Variants in PRKN observed in about 807,000 individuals in gnomAD.
PRKN encodes E3 ubiquitin-protein ligase parkin.
PRKN carries 56 observed loss-of-function variants against 59.5 expected under a neutral mutation model. That is an observed-to-expected ratio of 0.94 (90% CI 0.76 to 1.18). The LOEUF (loss-of-function observed/expected upper bound fraction) is 1.18, where lower values mean the gene tolerates loss of function less well. Ranked by LOEUF, PRKN falls within the 50% of genes most tolerant of loss-of-function variation. The pLI is 0.00. For missense variants in PRKN, 657 were observed against 596.4 expected (o/e 1.10, Z -1.06); for synonymous variants, 250 against 222.1 (o/e 1.13, Z -1.12).
chr6:162,572,968 C>G (rs1780408975), intron 1 of PRKN, among the ~76,000 whole-genome samples: 1 of 152,150 alleles, frequency 6.6e-6, no homozygotes, highest in Non-Finnish European at 1.5e-5. Flanking sequence ...TATCAACAGT[C>G]AGTAAAAGGC....
intron 6 of PRKN, among the ~76,000 whole-genome samples, chr6:161,846,857 C>T (rs1202307340): frequency 1.3e-5 from 2 of 152,170 alleles, no homozygotes; most frequent in Non-Finnish European, 2.9e-5. Flanking sequence ...ACCTTCTCAG[C>T]ACCACATACT....
chr6:162,061,085 A>G (rs2128287701), intron 4 of PRKN, among the ~76,000 whole-genome samples: 1 of 152,326 alleles, frequency 6.6e-6, no homozygotes, highest in Middle Eastern at 3.4e-3. Context: ...ACAAAGAAGG[A>G]GCTTTGAAGT....
intron 2 of PRKN, among the ~76,000 whole-genome samples, chr6:162,267,779 T>C (rs1188526355): frequency 6.6e-6 from 1 of 152,106 alleles, no homozygotes; most frequent in Non-Finnish European, 1.5e-5. Context: ...CATGGAAACA[T>C]ACCAGTATTA....
Position 161,402,118 on chromosome 6 carries a change from C to G in PRKN, c.1084-15241G>C, listed in dbSNP as rs1369362161. 1.3e-5 allele frequency among the ~76,000 whole-genome samples: 2 copies of G among 152,104 alleles called. No homozygotes were observed. The highest frequency in any genetic ancestry group is 3.9e-4 in the East Asian group (2 of 5,186). On this transcript the variant is annotated intron_variant, in intron 9 of 11. Coordinates refer to ENST00000366898, the MANE Select transcript of PRKN (RefSeq NM_004562.3). The surrounding 1 kb of genome is among the most constrained non-coding windows in gnomAD (Gnocchi z 4.5). Reference sequence around the variant, plus strand: ...ATCACCGCCCTGACAGTCTCAGTGGCAGGCCAGGCTCTAAAGGCTCCTCTG... The same window carrying G: ...ATCACCGCCCTGACAGTCTCAGTGGGAGGCCAGGCTCTAAAGGCTCCTCTG...
rs770315157 is a variant in PRKN at position 161,369,032 on chromosome 6, C to A, written c.1168-8827G>T. 1.3e-5 allele frequency among the ~76,000 whole-genome samples: 2 copies of A among 152,166 alleles called. No homozygotes were observed. The highest frequency in any genetic ancestry group is 2.9e-5 in the Non-Finnish European group (2 of 68,026). On this transcript the variant is annotated intron_variant, in intron 10 of 11. Coordinates refer to ENST00000366898, the MANE Select transcript of PRKN (RefSeq NM_004562.3). The surrounding 1 kb of genome is among the most constrained non-coding windows in gnomAD (Gnocchi z 5.8). ...TGCCACTGCTGCCAGCCCCAGGGAC[C>A]TGGGGGGCAGGAGAAGCAGCTCTAT...
At chr6:162,691,297 T>C (rs1483153514) in intron 1 of PRKN, among the ~76,000 whole-genome samples, 4 of 152,186 alleles carry the variant, frequency 2.6e-5, no homozygotes, top group African/African-American at 9.6e-5. Flanking sequence ...TAAAATGTTT[T>C]AGAACAAAAT....
chr6:162,158,247 G>A lies in PRKN; in HGVS notation c.534+42884C>T, dbSNP rs554167025. Among the ~76,000 whole-genome samples, 24 of 151,988 alleles carry A rather than the reference G, an allele frequency of 1.6e-4. 1 individual carries two copies. The highest frequency in any genetic ancestry group is 1.5e-3 in the South Asian group (7 of 4,818). Reference sequence around the variant, plus strand: ...AATAAATTCAGTTTTCTGTCTCAACGGTTGTTCTCTTCTTTCTCCTCAGGA... The same window carrying A: ...AATAAATTCAGTTTTCTGTCTCAACAGTTGTTCTCTTCTTTCTCCTCAGGA... On this transcript the variant is annotated intron_variant, in intron 4 of 11. Transcript: ENST00000366898.
In PRKN at chr6:161,548,696, C is replaced by A; in HGVS notation, c.1083+158G>T. 1.4e-6 allele frequency: 1 copy of A among 704,602 alleles called. No individual in the cohort carries two copies. Among genetic ancestry groups the A allele is most frequent in the Admixed American group, 2.5e-5 (1 of 39,424 alleles). The allele number at this position is 704,602 out of a possible 1,614,324, so 43.6% of individuals were successfully genotyped here. A position where few individuals can be genotyped will look rare whatever the true frequency, so the allele number is the denominator to read the frequency against. ...ATACATAAATTTTCAAATCTGGAGT[C>A]CTATAAAGGAATTTAAAATCTATTT... On this transcript the variant is annotated intron_variant, in intron 9 of 11. Transcript: ENST00000366898. The surrounding 1 kb of genome is among the most constrained non-coding windows in gnomAD (Gnocchi z 4.2).
intron 1 of PRKN, among the ~76,000 whole-genome samples, chr6:162,469,301 C>T (rs1199783446): frequency 8.2e-6 from 1 of 122,590 alleles, no homozygotes. Context: ...TGCTAAAACA[C>T]TGACACTAAT....
intron 7 of PRKN, among the ~76,000 whole-genome samples, chr6:161,746,068 G>A (rs1477250271): frequency 1.3e-5 from 2 of 152,176 alleles, no homozygotes; most frequent in African/African-American, 4.8e-5. Context: ...CTATGATCCA[G>A]GCAGGTTTGT....
At chr6:161,685,274 C>T (rs191124997) in intron 7 of PRKN, among the ~76,000 whole-genome samples, 44 of 152,276 alleles carry the variant, frequency 2.9e-4, no homozygotes, top group Middle Eastern at 3.4e-3. Flanking sequence ...CGGCCACAAA[C>T]GTTCTGCTCA....
rs116218764 is a variant in PRKN at position 162,109,097 on chromosome 6, T to A, written c.535-54923A>T. On this transcript the variant is annotated intron_variant, in intron 4 of 11. Coordinates refer to ENST00000366898, the MANE Select transcript of PRKN (RefSeq NM_004562.3). ...AATTTCTAGAAAAGGGTCACCAAGTTGTTGTCGTGAAAAGGGGCAGTAACT... is the reference window on the plus strand; with the variant it reads ...AATTTCTAGAAAAGGGTCACCAAGTAGTTGTCGTGAAAAGGGGCAGTAACT... Among the ~76,000 whole-genome samples, 376 of 152,184 alleles carry A rather than the reference T, an allele frequency of 2.5e-3. 1 individual carries two copies. The highest frequency in any genetic ancestry group is 8.5e-3 in the African/African-American group (353 of 41,500).
chr6:162,288,391 C>A (rs1262691025), intron 2 of PRKN, among the ~76,000 whole-genome samples: 2 of 152,016 alleles, frequency 1.3e-5, no homozygotes, highest in Non-Finnish European at 2.9e-5. Flanking sequence ...CACTATAGGG[C>A]CAAGGAGAGG....
chr6:161,715,046 T>C lies in PRKN; in HGVS notation c.871+70726A>G, dbSNP rs186140970. ...ACTTTCATAACCAGAGATAATAACA[T>C]TCCTCGTCTACAAGGCAGCTGCATG... is the stretch of plus-strand genomic sequence containing the variant. On this transcript the variant is annotated intron_variant, in intron 7 of 11. Coordinates refer to ENST00000366898, the MANE Select transcript of PRKN (RefSeq NM_004562.3). 2.0e-5 allele frequency among the ~76,000 whole-genome samples: 3 copies of C among 152,294 alleles called. No homozygotes were observed. In the East Asian group the frequency reaches 5.8e-4, roughly 29 times the overall value.
At chr6:161,485,649 G>C (rs535580713) in intron 9 of PRKN, among the ~76,000 whole-genome samples, 1 of 152,106 alleles carries the variant, frequency 6.6e-6, no homozygotes, top group Non-Finnish European at 1.5e-5. Flanking sequence ...TACTTGTGAT[G>C]AATTAGTTAG....
intron 6 of PRKN, among the ~76,000 whole-genome samples, chr6:161,949,848 C>A (rs375659514): frequency 4.9e-4 from 74 of 152,302 alleles, no homozygotes; most frequent in African/African-American, 1.6e-3. Flanking sequence ...GGGAGAACAG[C>A]GGGCATGCCC....
intron 5 of PRKN, among the ~76,000 whole-genome samples, chr6:162,011,150 T>A (rs867128144): frequency 5.3e-5 from 1 of 18,788 alleles, no homozygotes; most frequent in Non-Finnish European, 1.2e-4. Flanking sequence ...ATATATATTA[T>A]AATATATACT....
intron 4 of PRKN, among the ~76,000 whole-genome samples, chr6:162,109,335 T>C (rs575477339): frequency 1.3e-5 from 2 of 152,316 alleles, no homozygotes; most frequent in South Asian, 4.1e-4. Context: ...AAAAGCTGTA[T>C]TCAGGAAGTA....
chr6:161,679,986 C>T (rs1425563273), intron 7 of PRKN, among the ~76,000 whole-genome samples: 1 of 151,946 alleles, frequency 6.6e-6, no homozygotes, highest in Non-Finnish European at 1.5e-5. Flanking sequence ...GATCTCCTGA[C>T]CTCATGATCT....
Sources: allele counts gnomAD v4.1 joint callset (sites outside exome capture counted in the v4.1 genomes callset), GRCh38; gene constraint gnomAD v4.1.1; non-coding constraint Gnocchi (gnomAD v3.1); transcripts MANE v1.5; gene names NCBI Gene and HGNC (gene_info 2026-07-23, HGNC 2026-07-21).